BTK: variants seen among roughly 807,000 people sequenced by gnomAD.
BTK encodes Bruton tyrosine kinase, also known as tyrosine-protein kinase BTK.
Under a neutral mutation model 57.4 loss-of-function variants are expected in BTK, and 5 were observed. That is an observed-to-expected ratio of 0.09 (90% CI 0.05 to 0.18). The LOEUF (loss-of-function observed/expected upper bound fraction) is 0.18. BTK is among the 10% of genes least tolerant of loss of function. The pLI is 1.00. For missense variants in BTK, 194 were observed against 501.2 expected (o/e 0.39, Z 5.85); for synonymous variants, 154 against 174.3 (o/e 0.88, Z 0.92).
At chrX:101,360,437 G>T in intron 8 of BTK, 131 bp downstream of exon 8, 1 of 722,853 alleles carries the variant, frequency 1.4e-6, no homozygotes, top group South Asian at 2.4e-5. Context: ...CTTGGAGGGA[G>T]AGCATGTTCA....
chrX:101,354,825 A>C, intron 15 of BTK, 131 bp from the exon 16 acceptor site: 1 of 633,747 alleles, frequency 1.6e-6, no homozygotes, highest in Non-Finnish European at 2.6e-6. Context: ...TTCCCACCTA[A>C]TAGGAATCTG....
At chrX:101,359,386 T>C in intron 9 of BTK, 39 bp from the exon 10 acceptor site, 1 of 1,182,926 alleles carries the variant, frequency 8.5e-7, no homozygotes, top group Non-Finnish European at 1.2e-6. Flanking sequence ...CTCCTGGTCA[T>C]AAGCAGATTG....
upstream of BTK, among the ~76,000 whole-genome samples, chrX:101,388,112 C>T (rs1304988019): frequency 1.8e-5 from 2 of 111,166 alleles, no homozygotes; most frequent in Non-Finnish European, 3.8e-5. Context: ...GTGATCCACC[C>T]GCCTCAGCTT....
intron 1 of BTK, among the ~76,000 whole-genome samples, chrX:101,376,355 C>T (rs894932291): frequency 8.9e-6 from 1 of 112,066 alleles, no homozygotes; most frequent in Non-Finnish European, 1.9e-5. Flanking sequence ...TAGGCCGGCG[C>T]GGTGGCTCAC....
intron 14 of BTK, chrX:101,356,552 C>A (rs1926490415): frequency 4.4e-6 from 2 of 452,132 alleles, no homozygotes; most frequent in Middle Eastern, 6.1e-4. Context: ...TACATCTACC[C>A]CCAAATGCTA....
Position 101,375,249 on chromosome X carries a change from C to T in BTK, c.36G>A (p.Lys12=), listed in dbSNP as rs782519139. ...ATGTTTTCTTTTTCTGTTGGGATCG[C>T]TTCAGAAAGATGCTCTCCAGAATCA... ...AAVILESIFL[K]RSQQKKKTSP... Residue 12 remains lysine, a synonymous_variant, in exon 2 of 19, where the codon AAG becomes AAA. Transcript: ENST00000308731. 2 of 1,211,807 alleles carry T rather than the reference C, an allele frequency of 1.7e-6. No homozygotes were observed. Among genetic ancestry groups the T allele is most frequent in the Non-Finnish European group, 2.2e-6 (2 of 895,555 alleles).
chrX:101,371,223 T>C (rs1194719421), intron 4 of BTK, among the ~76,000 whole-genome samples: 1 of 112,148 alleles, frequency 8.9e-6, no homozygotes, highest in African/African-American at 3.2e-5. Flanking sequence ...ATAAGTCTAA[T>C]AAGTCTTCCT....
intron 1 of BTK, among the ~76,000 whole-genome samples, chrX:101,385,249 T>C (rs1418671255): frequency 9.2e-6 from 1 of 109,231 alleles, no homozygotes; most frequent in Admixed American, 9.8e-5. Context: ...AGAGGGGATA[T>C]AGGTAGAGAA....
intron 7 of BTK, 25 bp downstream of exon 7, chrX:101,362,148 G>A (rs2147434793): frequency 8.3e-7 from 1 of 1,204,998 alleles, no homozygotes; most frequent in Non-Finnish European, 1.1e-6. Context: ...TTTAAGCAGT[G>A]GCAGCACCCA....
chrX:101,379,494 C>A (rs1300448702), intron 1 of BTK, among the ~76,000 whole-genome samples: 1 of 112,340 alleles, frequency 8.9e-6, no homozygotes, highest in Non-Finnish European at 1.9e-5. Context: ...TTCCTCACAA[C>A]AAACAGATGA....
intron 16 of BTK, 94 bp from the exon 17 acceptor site, chrX:101,354,082 CACAGGCTT>C (rs1926387399): frequency 1.6e-6 from 1 of 641,358 alleles, no homozygotes. Context: ...CACAAACACA[CACAGGCTT>C]TCTCAAAAGT....
chrX:101,381,905 A>G (rs782077487), intron 1 of BTK, among the ~76,000 whole-genome samples: 2 of 107,106 alleles, frequency 1.9e-5, no homozygotes, highest in African/African-American at 6.8e-5. Flanking sequence ...GGTGGCGCGC[A>G]CCTGTAATCC....
At chrX:101,371,566 C>T (rs2147444786) in intron 4 of BTK, 67 bp downstream of exon 4, 1 of 976,950 alleles carries the variant, frequency 1.0e-6, no homozygotes, top group Non-Finnish European at 1.5e-6. Context: ...CTCTGCCCTG[C>T]ACCCCACCAC....
intron 5 of BTK, among the ~76,000 whole-genome samples, chrX:101,367,242 T>G (rs1247018970): frequency 1.1e-5 from 1 of 88,623 alleles, no homozygotes; most frequent in Non-Finnish European, 2.1e-5. Context: ...AGACTCCATA[T>G]CAAGAAAAAA....
At chrX:101,350,750 G>A (rs1285812500) in intron 18 of BTK, among the ~76,000 whole-genome samples, 1 of 110,408 alleles carries the variant, frequency 9.1e-6, no homozygotes, top group Non-Finnish European at 1.9e-5. Context: ...CCCGGCCTAC[G>A]ACTAAGGTTC....
chrX:101,376,484 G>T (rs1175378772), intron 1 of BTK, among the ~76,000 whole-genome samples: 2 of 111,150 alleles, frequency 1.8e-5, no homozygotes, highest in African/African-American at 6.5e-5. Context: ...AAAAATAGCC[G>T]GGCGTAGTGG....
chrX:101,364,811 G>A (rs1350443213), intron 5 of BTK, among the ~76,000 whole-genome samples: 5 of 109,570 alleles, frequency 4.6e-5, no homozygotes, highest in Non-Finnish European at 9.5e-5. Flanking sequence ...GTGCCACCTC[G>A]GCTCACTGTA....
At position 101,358,706 on chromosome X, in the gene BTK, C is replaced by T. The variant is rs370812397; in HGVS notation, c.895-10G>A. On this transcript the variant is annotated splice_polypyrimidine_tract_variant and intron_variant, in intron 10 of 18. Coordinates refer to ENST00000308731, the MANE Select transcript of BTK (RefSeq NM_000061.3). ...AACCTCCTTCTTTCCCCTGAAACAA[C>T]GAAAAAGAAGCTGTCTGTAGGAGGA... 1.4e-4 allele frequency: 167 copies of T among 1,197,499 alleles called. 1 individual carries two copies. The Middle Eastern group carries it at 1.6e-3, about 12-fold the overall frequency.
At chrX:101,386,993 C>T (rs1286797480), upstream of BTK, among the ~76,000 whole-genome samples, 1 of 111,274 alleles carries the variant, frequency 9.0e-6, no homozygotes, top group Non-Finnish European at 1.9e-5. Context: ...GAAATGCAGC[C>T]AGTATTGAAT....
Sources: allele counts gnomAD v4.1 joint callset (sites outside exome capture counted in the v4.1 genomes callset), GRCh38; gene constraint gnomAD v4.1.1; transcripts MANE v1.5; gene names NCBI Gene and HGNC (gene_info 2026-07-23, HGNC 2026-07-21).